MAP3K9: variants seen among roughly 807,000 people sequenced by gnomAD.
The protein encoded by MAP3K9 is mitogen-activated protein kinase kinase kinase 9.
In MAP3K9, 46 loss-of-function variants were observed where a neutral mutation model predicts 95.8. That is an observed-to-expected ratio of 0.48 (90% CI 0.38 to 0.61). The LOEUF (loss-of-function observed/expected upper bound fraction) is 0.61. Ranked by LOEUF, MAP3K9 falls within the 20% of genes least tolerant of loss-of-function variation. The probability of loss-of-function intolerance (pLI) is 0.00; values close to 1 mark genes in which losing one functional copy is unlikely to be tolerated. For missense variants in MAP3K9, 1,296 were observed against 1,474.3 expected (o/e 0.88, Z 1.98); for synonymous variants, 533 against 593.8 (o/e 0.90, Z 1.49).
chr14:70,743,007 G>GAAA (rs2054097827), intron 5 of MAP3K9, among the ~76,000 whole-genome samples: 1 of 150,910 alleles, frequency 6.6e-6, no homozygotes, highest in Admixed American at 6.6e-5. Context: ...TATTTTTTGA[G>GAAA]ACAGCAACTC....
intron 6 of MAP3K9, among the ~76,000 whole-genome samples, chr14:70,740,734 A>G (rs1335884181): frequency 6.6e-6 from 1 of 152,194 alleles, no homozygotes; most frequent in Non-Finnish European, 1.5e-5. Context: ...ACAGGTCTGA[A>G]TTTCTGAGTT....
intron 2 of MAP3K9, among the ~76,000 whole-genome samples, chr14:70,780,908 T>C (rs2054666837): frequency 6.6e-6 from 1 of 152,256 alleles, no homozygotes. Context: ...AGTTCTTTCT[T>C]GGCAGGTGGC....
At chr14:70,774,153 C>T (rs1273042597) in intron 2 of MAP3K9, among the ~76,000 whole-genome samples, 1 of 152,168 alleles carries the variant, frequency 6.6e-6, no homozygotes, top group Non-Finnish European at 1.5e-5. Flanking sequence ...TAATAACCCA[C>T]ATGTACTGAA....
chr14:70,800,393 A>C (rs771178722), intron 2 of MAP3K9, among the ~76,000 whole-genome samples: 3 of 152,010 alleles, frequency 2.0e-5, no homozygotes, highest in Non-Finnish European at 4.4e-5. Context: ...ACACATTCTG[A>C]TATGTGGAAA....
At chr14:70,780,008 A>T (rs1034492216) in intron 2 of MAP3K9, among the ~76,000 whole-genome samples, 3 of 152,356 alleles carry the variant, frequency 2.0e-5, no homozygotes, top group African/African-American at 7.2e-5. Context: ...CCCAGGCCTT[A>T]TGCAAAGTTT....
chr14:70,733,006 C>A lies in MAP3K9; in HGVS notation c.2363G>T (p.Arg788Leu). 4.3e-6 allele frequency: 7 copies of A among 1,614,160 alleles called. No individual in the cohort carries two copies. The highest frequency in any genetic ancestry group is 1.3e-5 in the African/African-American group (1 of 75,034). Residue 788 changes from arginine (R) to leucine (L), a missense_variant, in exon 11 of 12, where the codon CGG becomes CTG. Physicochemically the swap from Arg to Leu is moderately radical, Grantham distance 102. Coordinates refer to ENST00000554752, the MANE Select transcript of MAP3K9 (RefSeq NM_001284230.2). Reference sequence around the variant, plus strand: ...ACCCTCCCGTCTTTTCTTCTCCTCCCGGGCTGGTGGCTCAGGCTCCTCCAG... The same window carrying A: ...ACCCTCCCGTCTTTTCTTCTCCTCCAGGGCTGGTGGCTCAGGCTCCTCCAG... ...LPLEEPEPPA[R>L]EEKKRREGLF... is the part of the protein sequence containing the mutation.
rs2053780795 is a variant in MAP3K9, at chr14:70,723,542, A to C, written c.*6838T>G. 1 of 152,182 alleles carries C rather than the reference A, an allele frequency of 6.6e-6. No individual in the cohort carries two copies. The highest frequency in any genetic ancestry group is 6.5e-5 in the Admixed American group (1 of 15,274). The allele number at this position is 152,182 out of a possible 1,614,324, so 9.4% of individuals were successfully genotyped here. A position where few individuals can be genotyped will look rare whatever the true frequency, so the allele number is the denominator to read the frequency against. On this transcript the variant is annotated 3_prime_UTR_variant, in exon 12 of 12. Coordinates refer to ENST00000554752, the MANE Select transcript of MAP3K9 (RefSeq NM_001284230.2). ...ACCTCGGTGGACCTGAGCTAGGCCA[A>C]CTTTATCTCAAGAGCTTCTAAGTAG...
In MAP3K9 at chr14:70,772,313, T is replaced by C. The variant is rs561599762; in HGVS notation, c.821-11131A>G. 3.3e-5 allele frequency among the ~76,000 whole-genome samples: 5 copies of C among 152,274 alleles called. No individual in the cohort carries two copies. In the East Asian group the frequency reaches 9.6e-4, roughly 29 times the overall value. Reference sequence around the variant, plus strand: ...GGAGAGAATTGGCTCCTTGGGGACTTAGGAGTCACTCCCTTTTGGTATAAA... The same window carrying C: ...GGAGAGAATTGGCTCCTTGGGGACTCAGGAGTCACTCCCTTTTGGTATAAA... On this transcript the variant is annotated intron_variant, in intron 2 of 11. Transcript: ENST00000554752.
At chr14:70,791,666 C>T (rs983789051) in intron 2 of MAP3K9, among the ~76,000 whole-genome samples, 3 of 152,232 alleles carry the variant, frequency 2.0e-5, no homozygotes, top group African/African-American at 7.2e-5. Flanking sequence ...TCCACTCTTG[C>T]CTCTCTCAGA....
intron 9 of MAP3K9, 129 bp downstream of exon 9, chr14:70,735,832 A>T: frequency 1.3e-6 from 1 of 754,440 alleles, no homozygotes; most frequent in Non-Finnish European, 2.3e-6. Flanking sequence ...AAACAAAAAC[A>T]AAAACAAAAA....
chr14:70,782,312 A>G (rs144379276), intron 2 of MAP3K9, among the ~76,000 whole-genome samples: 10 of 152,328 alleles, frequency 6.6e-5, no homozygotes, highest in Middle Eastern at 3.4e-3. Flanking sequence ...ATTTCTTATG[A>G]GGACATTTGG....
At position 70,733,287 on chromosome 14, in the gene MAP3K9, G is replaced by A. The variant is rs745897222; in HGVS notation, c.2082C>T (p.Pro694=). The change falls in exon 11 of 12, where the codon CCC becomes CCT. Residue 694 remains proline (P), a synonymous_variant. Coordinates refer to ENST00000554752, the MANE Select transcript of MAP3K9 (RefSeq NM_001284230.2). ...GSGESRLQHS[P]SQSYLCIPFP... ...ATGGGATACAGAGGTAGGACTGGCT[G>A]GGTGAATGCTGTAGGCGACTCTCTC... The A allele has an allele frequency of 3.7e-6, 6 of 1,606,370 alleles. No homozygotes were observed. The Admixed American group carries it at 1.0e-4, about 27-fold the overall frequency.
Position 70,808,782 on chromosome 14 carries a change from G to GCAA in MAP3K9, c.387_389dup (p.Cys130dup). 1 of 1,578,516 alleles carries GCAA rather than the reference G, an allele frequency of 6.3e-7. No homozygotes were observed. ...TCGCCTTACACTGAATGGGCGGGTA[G>GCAA]CAACTGGGGTCCTCGCCGCCGGGCT... is the stretch of plus-strand genomic sequence containing the variant. On this transcript the variant is annotated inframe_insertion, in exon 1 of 12. Transcript: ENST00000554752.
At chr14:70,739,901 T>C in intron 7 of MAP3K9, 141 bp downstream of exon 7, 3 of 1,609,792 alleles carry the variant, frequency 1.9e-6, no homozygotes, top group Non-Finnish European at 8.5e-7. Context: ...TGCGTACATA[T>C]GTGCATGTAT....
chr14:70,730,110 G>A lies in MAP3K9; in HGVS notation c.*270C>T, dbSNP rs1295372772. Reference sequence around the variant, plus strand: ...CACTCTAAAGGCAAGGAAGACTGTGGAGGGTGGGGGACATGCATGCACCCC... The same window carrying A: ...CACTCTAAAGGCAAGGAAGACTGTGAAGGGTGGGGGACATGCATGCACCCC... On this transcript the variant is annotated 3_prime_UTR_variant, in exon 12 of 12. Coordinates refer to ENST00000554752, the MANE Select transcript of MAP3K9 (RefSeq NM_001284230.2). 6 of 459,488 alleles carry A rather than the reference G, an allele frequency of 1.3e-5. No individual in the cohort carries two copies. The highest frequency in any genetic ancestry group is 3.8e-5 in the East Asian group (1 of 26,072). The allele number at this position is 459,488 out of a possible 1,614,324, so 28.5% of individuals were successfully genotyped here. A position where few individuals can be genotyped will look rare whatever the true frequency, so the allele number is the denominator to read the frequency against.
intron 1 of MAP3K9, among the ~76,000 whole-genome samples, chr14:70,806,590 A>G (rs1333975783): frequency 1.3e-5 from 2 of 152,212 alleles, no homozygotes; most frequent in Non-Finnish European, 2.9e-5. Context: ...ACTCTATCCA[A>G]GATAACTTGT....
At chr14:70,800,036 GGATTC>G (rs2054911094) in intron 2 of MAP3K9, among the ~76,000 whole-genome samples, 1 of 152,126 alleles carries the variant, frequency 6.6e-6, no homozygotes, top group Non-Finnish European at 1.5e-5. Flanking sequence ...TCCAGTTTAT[GGATTC>G]TGGATATTTA....
chr14:70,755,449 A>T (rs1001876401), intron 3 of MAP3K9, among the ~76,000 whole-genome samples: 3 of 152,262 alleles, frequency 2.0e-5, no homozygotes, highest in Non-Finnish European at 4.4e-5. Context: ...GAACTTAGGC[A>T]TGTGACTTCA....
chr14:70,748,977 C>G lies in MAP3K9; in HGVS notation c.1178G>C (p.Arg393Pro). ...GTCCAGGATATTCGTGAAAGATGGT[C>G]GTGAGTGGGGATCAGGATTCCAGCA... ...EDCWNPDPHSRPSFTNILDQL... is the reference protein window; with the variant it reads ...EDCWNPDPHSPPSFTNILDQL... Residue 393 changes from arginine (R) to proline (P), a missense_variant, in exon 5 of 12, where the codon CGA (arginine) becomes CCA (proline). Transcript: ENST00000554752. 6.2e-7 allele frequency: 1 copy of G among 1,613,698 alleles called. No homozygotes were observed. The highest frequency in any genetic ancestry group is 8.5e-7 in the Non-Finnish European group (1 of 1,179,904).
Sources: allele counts gnomAD v4.1 joint callset (sites outside exome capture counted in the v4.1 genomes callset), GRCh38; gene constraint gnomAD v4.1.1; transcripts MANE v1.5; gene names NCBI Gene and HGNC (gene_info 2026-07-23, HGNC 2026-07-21).